The following KLRG1 variants were observed in gnomAD, a reference collection of about 807,000 sequenced individuals.
The protein encoded by KLRG1 is killer cell lectin-like receptor subfamily G member 1.
In KLRG1, 16 loss-of-function variants were observed where a neutral mutation model predicts 21.8. That is an observed-to-expected ratio of 0.73 (90% CI 0.50 to 1.11). The LOEUF (loss-of-function observed/expected upper bound fraction) is 1.11, where lower values mean the gene tolerates loss of function less well. Among genes scored for constraint, KLRG1 ranks in the 50% most tolerant of loss-of-function variants. The pLI, the probability that KLRG1 is intolerant of heterozygous loss-of-function variation, is 0.00. For synonymous variants in KLRG1, 69 were observed against 75.9 expected (o/e 0.91, Z 0.47); for missense variants, 173 against 218.3 (o/e 0.79, Z 1.31).
At chr12:9,016,084 A>G in the KLRG1 span, among the ~76,000 whole-genome samples, 1 of 152,178 alleles carries the variant, frequency 6.6e-6, no homozygotes, top group African/African-American at 2.4e-5. Flanking sequence ...CAACTTAACA[A>G]TGCGTCTTAA....
At chr12:9,163,395 G>A in the KLRG1 span, among the ~76,000 whole-genome samples, 6 of 151,550 alleles carry the variant, frequency 4.0e-5, no homozygotes, top group African/African-American at 1.5e-4. Context: ...AGAGCTTTCA[G>A]TGAGCCGAGA....
the KLRG1 span, among the ~76,000 whole-genome samples, chr12:9,203,346 T>C: frequency 6.8e-6 from 1 of 147,422 alleles, no homozygotes; most frequent in Non-Finnish European, 1.5e-5. Flanking sequence ...CCTTTTTTTT[T>C]TTTTTTTTTT....
At position 8,955,735 on chromosome 12, in the gene KLRG1, A is replaced by G. The variant is rs562354244; in HGVS notation, c.-156+5499A>G. The stretch of plus-strand genomic sequence containing the variant: ...TTTAAATTATAGATTAATTTTGCCT[A>G]TTTTAGAACTTAGTATAAATGGACA... On this transcript the variant is annotated intron_variant, in intron 1 of 4. Coordinates refer to the KLRG1 transcript ENST00000539240. 1.1e-3 allele frequency among the ~76,000 whole-genome samples: 167 copies of G among 151,768 alleles called. 2 individuals are homozygous for G. Among genetic ancestry groups the G allele is most frequent in the Non-Finnish European group, 1.9e-3 (127 of 67,928 alleles).
the KLRG1 span, chr12:9,093,319 CTA>C: frequency 2.6e-5 from 15 of 575,580 alleles, no homozygotes; most frequent in African/African-American, 1.7e-4. Flanking sequence ...AATCATTTCA[CTA>C]TGTGTATGTG....
At chr12:8,986,648 C>T (rs1001406278), upstream of KLRG1, among the ~76,000 whole-genome samples, 14 of 151,922 alleles carry the variant, frequency 9.2e-5, no homozygotes, top group Admixed American at 2.6e-4. Flanking sequence ...TTTGTACTTT[C>T]CCTGTCCTGG....
intron 1 of KLRG1, among the ~76,000 whole-genome samples, chr12:8,978,271 C>T (rs1250042591): frequency 1.3e-5 from 2 of 152,156 alleles, no homozygotes; most frequent in African/African-American, 2.4e-5. Context: ...TAAGGCAGGT[C>T]TAGTGGTGAT....
At chr12:8,965,989 G>C (rs1946464449) in intron 1 of KLRG1, among the ~76,000 whole-genome samples, 2 of 152,132 alleles carry the variant, frequency 1.3e-5, no homozygotes, top group African/African-American at 4.8e-5. Flanking sequence ...CCAAAACAGA[G>C]ATATAGACCA....
At chr12:9,068,064 G>T in the KLRG1 span, 1 of 1,193,518 alleles carries the variant, frequency 8.4e-7, no homozygotes, top group Non-Finnish European at 1.2e-6. Context: ...ATAATAATGT[G>T]CAGTGTGAGT....
chr12:9,158,076 A>C, the KLRG1 span, among the ~76,000 whole-genome samples: 85 of 152,284 alleles, frequency 5.6e-4, no homozygotes, highest in Admixed American at 9.8e-4. Flanking sequence ...TCAGCTTGTC[A>C]AGTAGCTGCA....
the KLRG1 span, among the ~76,000 whole-genome samples, chr12:9,052,037 T>TG: frequency 2.6e-5 from 4 of 152,244 alleles, no homozygotes; most frequent in Admixed American, 2.0e-4. Flanking sequence ...CCCCAGCTGA[T>TG]GCAGCTCTCT....
chr12:9,190,616 C>T, the KLRG1 span, among the ~76,000 whole-genome samples: 3 of 151,892 alleles, frequency 2.0e-5, no homozygotes, highest in East Asian at 1.9e-4. Flanking sequence ...ACCTGGGTAA[C>T]GAAATAATCT....
chr12:9,074,784 C>G, the KLRG1 span: 1 of 1,607,456 alleles, frequency 6.2e-7, no homozygotes, highest in Non-Finnish European at 8.5e-7. Context: ...ACAGAGTTGT[C>G]TTAAAGATGA....
chr12:9,003,886 A>G (rs1947382984), intron 3 of KLRG1, among the ~76,000 whole-genome samples: 1 of 147,076 alleles, frequency 6.8e-6, no homozygotes, highest in African/African-American at 2.5e-5. Flanking sequence ...CCAGAGTGTG[A>G]TGTTCCCCTT....
intron 3 of KLRG1, chr12:8,996,473 G>A (rs576235347): frequency 1.3e-5 from 2 of 152,102 alleles, no homozygotes; most frequent in African/African-American, 2.4e-5. Context: ...ACAATTTATT[G>A]AGAATTAAAC....
the KLRG1 span, chr12:9,074,677 G>A: frequency 1.9e-6 from 3 of 1,613,904 alleles, no homozygotes; most frequent in South Asian, 3.3e-5. Flanking sequence ...GATAAGCGAG[G>A]AGCACATAGG....
chr12:9,072,659 G>C, the KLRG1 span: 2 of 1,614,070 alleles, frequency 1.2e-6, no homozygotes, highest in Non-Finnish European at 1.7e-6. Flanking sequence ...TCACCTGGAG[G>C]TAGACACATC....
chr12:9,160,699 G>A, the KLRG1 span, among the ~76,000 whole-genome samples: 3 of 152,142 alleles, frequency 2.0e-5, no homozygotes, highest in African/African-American at 7.2e-5. Context: ...CGGATCATGA[G>A]GTCAGGATAT....
chr12:9,149,581 T>A, the KLRG1 span: 1 of 1,613,218 alleles, frequency 6.2e-7, no homozygotes, highest in African/African-American at 1.3e-5. Flanking sequence ...GGGGGCGATA[T>A]ACTCAGCAAC....
the KLRG1 span, chr12:9,107,575 G>A: frequency 1.1e-4 from 182 of 1,613,898 alleles, no homozygotes; most frequent in East Asian, 6.5e-4. Flanking sequence ...CGTGGCAGTC[G>A]GAAGCGTCAC....
Sources: gnomAD v4.1 joint callset for allele counts (sites outside exome capture counted in the v4.1 genomes callset) on GRCh38, gnomAD v4.1.1 for gene constraint, MANE v1.5 for transcripts, NCBI Gene and HGNC (gene_info 2026-07-23, HGNC 2026-07-21) for gene names.